Variants in DMD observed in about 807,000 individuals in gnomAD.
DMD encodes the protein dystrophin.
DMD carries 63 observed loss-of-function variants against 330.1 expected under a neutral mutation model. The ratio of observed to expected loss-of-function variants is 0.19; its 90% CI spans 0.16 to 0.24. DMD has a LOEUF of 0.24. Among genes scored for constraint, DMD ranks in the 10% least tolerant of loss-of-function variants. The probability of loss-of-function intolerance (pLI) is 1.00; values close to 1 mark genes in which losing one functional copy is unlikely to be tolerated. For missense variants in DMD, 3,344 were observed against 2,684.1 expected (o/e 1.25, Z -5.43); for synonymous variants, 1,223 against 959.8 (o/e 1.27, Z -5.07).
intron 43 of DMD, among the ~76,000 whole-genome samples, chrX:32,254,945 ACT>A (rs1233621794): frequency 5.4e-5 from 6 of 111,315 alleles, no homozygotes. Context: ...TATCTCCAAA[ACT>A]CTTCATCTTT....
At chrX:32,978,765 G>A (rs1204735567) in intron 2 of DMD, among the ~76,000 whole-genome samples, 3 of 112,294 alleles carry the variant, frequency 2.7e-5, no homozygotes, top group South Asian at 3.7e-4. Flanking sequence ...CACTGCGCCC[G>A]GCCGTATGAT....
chrX:31,628,684 C>G (rs2078977231), intron 54 of DMD, among the ~76,000 whole-genome samples: 1 of 110,128 alleles, frequency 9.1e-6, no homozygotes, highest in South Asian at 3.8e-4. Context: ...ATGGCAAGTT[C>G]CCTCTCTGAT....
At chrX:32,671,176 C>T (rs1458704149) in intron 9 of DMD, among the ~76,000 whole-genome samples, 1 of 110,494 alleles carries the variant, frequency 9.1e-6, no homozygotes, top group East Asian at 2.8e-4. Flanking sequence ...ATATCTCTCA[C>T]CTTGGATCTT....
At chrX:33,074,969 G>C (rs934030269) in intron 1 of DMD, among the ~76,000 whole-genome samples, 1 of 111,319 alleles carries the variant, frequency 9.0e-6, no homozygotes, top group Non-Finnish European at 1.9e-5. Context: ...ACTCAACCGC[G>C]TTTGTAGAGC....
At chrX:32,734,284 C>A (rs1408964772) in intron 7 of DMD, among the ~76,000 whole-genome samples, 25 of 93,535 alleles carry the variant, frequency 2.7e-4, no homozygotes, top group Non-Finnish European at 4.8e-4. Flanking sequence ...AGCTTACCAA[C>A]CAAAAAGAGT....
At chrX:32,468,989 G>A in intron 22 of DMD, among the ~76,000 whole-genome samples, 1 of 110,398 alleles carries the variant, frequency 9.1e-6, no homozygotes, top group Non-Finnish European at 1.9e-5. Flanking sequence ...AAAAGTTTTG[G>A]TGCATCTAAT....
chrX:32,815,518 T>TACACACACACACACAC (rs1355168422), intron 6 of DMD, among the ~76,000 whole-genome samples: 1 of 45,517 alleles, frequency 2.2e-5, no homozygotes, highest in African/African-American at 7.7e-5. Flanking sequence ...TATATATATA[T>TACACACACACACACAC]ATACACACAC....
At chrX:32,065,596 T>C (rs1482493331) in intron 44 of DMD, among the ~76,000 whole-genome samples, 1 of 112,043 alleles carries the variant, frequency 8.9e-6, no homozygotes, top group Non-Finnish European at 1.9e-5. Context: ...TTGTCTTTAC[T>C]TGACAGAAAA....
At chrX:31,972,676 A>G (rs756341661) in intron 44 of DMD, among the ~76,000 whole-genome samples, 2 of 111,968 alleles carry the variant, frequency 1.8e-5, no homozygotes, top group South Asian at 7.4e-4. Flanking sequence ...TCATTGAACA[A>G]GGAGATGTTT....
intron 7 of DMD, among the ~76,000 whole-genome samples, chrX:32,735,192 G>A (rs927365998): frequency 5.6e-5 from 6 of 107,945 alleles, no homozygotes; most frequent in African/African-American, 1.8e-4. Context: ...AAAATACCTA[G>A]GAATCCAACT....
intron 62 of DMD, among the ~76,000 whole-genome samples, chrX:31,284,578 C>CTTCTTCTTCTTCTTCTTCTT (rs2052953282): frequency 1.1e-5 from 1 of 93,287 alleles, no homozygotes; most frequent in African/African-American, 4.3e-5. Flanking sequence ...TCTTCTTCTT[C>CTTCTTCTTCTTCTTCTTCTT]TTCTTCTTCT....
chrX:32,162,980 T>C (rs749551460), intron 44 of DMD, among the ~76,000 whole-genome samples: 17 of 111,449 alleles, frequency 1.5e-4, no homozygotes, highest in African/African-American at 5.2e-4. Flanking sequence ...ACATACTTCT[T>C]CCCTGAATCC....
intron 52 of DMD, among the ~76,000 whole-genome samples, chrX:31,681,461 T>C (rs1405450562): frequency 8.9e-6 from 1 of 112,283 alleles, no homozygotes; most frequent in Non-Finnish European, 1.9e-5. Context: ...AATAACCTTT[T>C]GTCAAAGGAC....
chrX:32,679,934 A>G (rs1404826408), intron 9 of DMD, among the ~76,000 whole-genome samples: 3 of 8,830 alleles, frequency 3.4e-4, no homozygotes. Flanking sequence ...TTTTTTTTTG[A>G]GACGGAGTCT....
At chrX:32,061,011 G>C (rs941649844) in intron 44 of DMD, among the ~76,000 whole-genome samples, 4 of 111,217 alleles carry the variant, frequency 3.6e-5, no homozygotes, top group Non-Finnish European at 5.7e-5. Flanking sequence ...CACATAGTAA[G>C]CCTTCAATAA....
At chrX:32,937,237 C>T (rs1448490464) in intron 2 of DMD, among the ~76,000 whole-genome samples, 2 of 110,510 alleles carry the variant, frequency 1.8e-5, no homozygotes. Flanking sequence ...CCAGCAGAAG[C>T]TCTGGTCTAA....
At chrX:32,331,286 G>C (rs1178904327) in intron 41 of DMD, among the ~76,000 whole-genome samples, 1 of 111,520 alleles carries the variant, frequency 9.0e-6, no homozygotes, top group South Asian at 3.7e-4. Context: ...TTCCCAAATA[G>C]TTCTATCAAA....
intron 2 of DMD, among the ~76,000 whole-genome samples, chrX:32,977,117 C>G (rs1253795141): frequency 9.0e-6 from 1 of 110,546 alleles, no homozygotes; most frequent in African/African-American, 3.3e-5. Flanking sequence ...CGTGGCAAAA[C>G]CCCATCTCCA....
intron 2 of DMD, among the ~76,000 whole-genome samples, chrX:33,003,902 A>G (rs1164568246): frequency 8.9e-6 from 1 of 112,545 alleles, no homozygotes; most frequent in Non-Finnish European, 1.9e-5. Flanking sequence ...AAGTTATGAT[A>G]CTACAATCAG....
Sources: gnomAD v4.1 joint callset for allele counts (sites outside exome capture counted in the v4.1 genomes callset) on GRCh38, gnomAD v4.1.1 for gene constraint, MANE v1.5 for transcripts, NCBI Gene and HGNC (gene_info 2026-07-23, HGNC 2026-07-21) for gene names.